The following PRKCB variants were observed in gnomAD, a reference collection of about 807,000 sequenced individuals.
PRKCB encodes the protein protein kinase C beta type.
Under a neutral mutation model 81.5 loss-of-function variants are expected in PRKCB, and 13 were observed. The ratio of observed to expected loss-of-function variants is 0.16; its 90% CI spans 0.10 to 0.25. The LOEUF is 0.25. Ranked by LOEUF, PRKCB falls within the 10% of genes least tolerant of loss-of-function variation. PRKCB has a pLI of 1.00. For synonymous variants in PRKCB, 335 were observed against 321.4 expected (o/e 1.04, Z -0.45); for missense variants, 509 against 875.7 (o/e 0.58, Z 5.29).
At chr16:23,945,270 T>C (rs969882470) in intron 2 of PRKCB, among the ~76,000 whole-genome samples, 1 of 152,088 alleles carries the variant, frequency 6.6e-6, no homozygotes, top group African/African-American at 2.4e-5. Context: ...GTGTGGTGAG[T>C]GTGGGTGAGC....
chr16:24,078,580 A>G (rs551424257), intron 5 of PRKCB, among the ~76,000 whole-genome samples: 3 of 152,296 alleles, frequency 2.0e-5, no homozygotes, highest in East Asian at 3.9e-4. Flanking sequence ...CTCCTCTTCC[A>G]TCTGCATCAA....
intron 5 of PRKCB, among the ~76,000 whole-genome samples, chr16:24,076,454 G>A (rs1053242967): frequency 6.6e-6 from 1 of 152,174 alleles, no homozygotes; most frequent in African/African-American, 2.4e-5. Context: ...AGCTTTTGGG[G>A]CCTGATAGGG....
At chr16:23,860,723 TAA>T (rs112284849) in intron 2 of PRKCB, among the ~76,000 whole-genome samples, 1 of 140,900 alleles carries the variant, frequency 7.1e-6, no homozygotes. Context: ...CCATCTCTAC[TAA>T]AAAAAAAAAG....
chr16:23,893,102 C>T (rs1332099604), intron 2 of PRKCB: 1 of 152,160 alleles, frequency 6.6e-6, no homozygotes, highest in Non-Finnish European at 1.5e-5. Flanking sequence ...GACAACTCCT[C>T]TCCAGTCCAC....
chr16:23,945,431 G>A (rs1964192719), intron 2 of PRKCB, among the ~76,000 whole-genome samples: 1 of 152,210 alleles, frequency 6.6e-6, no homozygotes, highest in South Asian at 2.1e-4. Flanking sequence ...TACTTTTTCT[G>A]ATATGATGAA....
chr16:24,054,339 C>CTTT (rs2141872534), intron 5 of PRKCB, among the ~76,000 whole-genome samples: 1 of 152,278 alleles, frequency 6.6e-6, no homozygotes, highest in Admixed American at 6.5e-5. Context: ...TATCTCTTAA[C>CTTT]TTTGTCTTTT....
At chr16:24,075,555 G>A (rs1428701714) in intron 5 of PRKCB, among the ~76,000 whole-genome samples, 1 of 152,150 alleles carries the variant, frequency 6.6e-6, no homozygotes, top group African/African-American at 2.4e-5. Flanking sequence ...TCTGTTTGGG[G>A]TCTTTAAACT....
At chr16:23,879,050 C>T (rs1034462686) in intron 2 of PRKCB, among the ~76,000 whole-genome samples, 4 of 152,002 alleles carry the variant, frequency 2.6e-5, no homozygotes, top group African/African-American at 4.8e-5. Flanking sequence ...TGGTGGCACG[C>T]GCCTGTAATC....
chr16:23,848,030 G>A (rs1962408564), intron 2 of PRKCB, among the ~76,000 whole-genome samples: 1 of 152,164 alleles, frequency 6.6e-6, no homozygotes, highest in African/African-American at 2.4e-5. Context: ...TGAGGGCAGG[G>A]GAGGGTGTTT....
At chr16:24,118,734 T>C (rs1966763630) in intron 8 of PRKCB, among the ~76,000 whole-genome samples, 1 of 152,190 alleles carries the variant, frequency 6.6e-6, no homozygotes, top group African/African-American at 2.4e-5. Context: ...AGGCAACCAT[T>C]AGTGTATTCC....
chr16:24,060,778 T>C (rs1965961805), intron 5 of PRKCB, among the ~76,000 whole-genome samples: 1 of 152,206 alleles, frequency 6.6e-6, no homozygotes, highest in Admixed American at 6.5e-5. Context: ...AGCTCCCTCA[T>C]GGATCAGGTG....
chr16:23,919,959 C>G (rs1963801014), intron 2 of PRKCB, among the ~76,000 whole-genome samples: 1 of 152,152 alleles, frequency 6.6e-6, no homozygotes, highest in Non-Finnish European at 1.5e-5. Context: ...CTGCTATGAA[C>G]AGGAGTGTAC....
chr16:24,019,984 A>C (rs1409588695), intron 3 of PRKCB, among the ~76,000 whole-genome samples: 1 of 152,136 alleles, frequency 6.6e-6, no homozygotes, highest in Non-Finnish European at 1.5e-5. Context: ...TATGCAGGTT[A>C]TTTTACCTTC....
In PRKCB at chr16:24,182,873, T is replaced by TGTGTGTGTGTGTGTGTGTGTGTGTG. The variant is rs1555501178; in HGVS notation, c.1533+1945_1533+1946insGTGTGTGTGTGTGTGTGTGTGTGTG. The stretch of plus-strand genomic sequence containing the variant: ...ATGCTTGGGCATCCCACATTGTTTC[T>TGTGTGTGTGTGTGTGTGTGTGTGTG]TGTGTGTGTGTGTGTGTGTGTGTGT... On this transcript the variant is annotated intron_variant, in intron 13 of 16. Transcript: ENST00000643927. Among the ~76,000 whole-genome samples the TGTGTGTGTGTGTGTGTGTGTGTGTG allele has an allele frequency of 5.0e-4, 67 of 133,608 alleles. 1 individual carries two copies. Among genetic ancestry groups the TGTGTGTGTGTGTGTGTGTGTGTGTG allele is most frequent in the African/African-American group, 2.0e-3 (65 of 32,638 alleles). The allele number at this position is 133,608 out of a possible 152,430, so 87.7% of individuals were successfully genotyped here.
At chr16:24,050,688 T>C (rs1405051011) in intron 5 of PRKCB, among the ~76,000 whole-genome samples, 1 of 152,182 alleles carries the variant, frequency 6.6e-6, no homozygotes, top group Non-Finnish European at 1.5e-5. Flanking sequence ...TTAAGGAAAA[T>C]GCTCTTACTC....
rs566923211 is a variant in PRKCB, at chr16:24,182,736, T to C, written c.1533+1808T>C. On this transcript the variant is annotated intron_variant, in intron 13 of 16. Transcript: ENST00000643927. ...ATCTGTGGGCTGGAGGGGAGGCAAC[T>C]TCACCAGCCACACAGTTGAGGGTTT... 1.1e-4 allele frequency among the ~76,000 whole-genome samples: 16 copies of C among 152,270 alleles called. 1 individual carries two copies. The South Asian group carries it at 3.3e-3, about 32-fold the overall frequency.
At chr16:24,165,650 G>C (rs1280915002) in intron 10 of PRKCB, among the ~76,000 whole-genome samples, 2 of 152,102 alleles carry the variant, frequency 1.3e-5, no homozygotes, top group Non-Finnish European at 2.9e-5. Flanking sequence ...TTAAAGGATT[G>C]ATGTACCAGA....
At chr16:24,012,197 T>C (rs938468975) in intron 3 of PRKCB, among the ~76,000 whole-genome samples, 1 of 152,224 alleles carries the variant, frequency 6.6e-6, no homozygotes, top group South Asian at 2.1e-4. Context: ...TAAATAATTA[T>C]AGCTGACATG....
intron 5 of PRKCB, among the ~76,000 whole-genome samples, chr16:24,087,075 TGA>T (rs1285120056): frequency 6.6e-6 from 1 of 152,220 alleles, no homozygotes; most frequent in Non-Finnish European, 1.5e-5. Context: ...CTGATCCATC[TGA>T]GAGTAAGTTG....
Sources: gnomAD v4.1 joint callset for allele counts (sites outside exome capture counted in the v4.1 genomes callset) on GRCh38, gnomAD v4.1.1 for gene constraint, MANE v1.5 for transcripts, NCBI Gene and HGNC (gene_info 2026-07-23, HGNC 2026-07-21) for gene names.